ZNF451: variants seen among roughly 807,000 people sequenced by gnomAD.
ZNF451 encodes the protein zinc finger protein 451, also known as E3 SUMO-protein ligase ZNF451.
A neutral mutation model predicts 107.1 loss-of-function variants in ZNF451; 80 were observed. That is an observed-to-expected ratio of 0.75 (90% CI 0.62 to 0.90). The LOEUF (loss-of-function observed/expected upper bound fraction) is 0.90. ZNF451 is among the 40% of genes least tolerant of loss of function. ZNF451 has a pLI of 0.00. For missense variants in ZNF451, 1,107 were observed against 1,236.2 expected, an observed-to-expected ratio of 0.90 and a Z score of 1.57; for synonymous variants, 362 against 406.5, an observed-to-expected ratio of 0.89 and a Z score of 1.32.
chr6:57,162,747 C>G (rs1246955345), intron 14 of ZNF451, among the ~76,000 whole-genome samples: 1 of 152,204 alleles, frequency 6.6e-6, no homozygotes, highest in Non-Finnish European at 1.5e-5. Flanking sequence ...TAATTATAAG[C>G]TATCACAGTT....
chr6:57,148,021 C>A lies in ZNF451; in HGVS notation c.1936C>A (p.His646Asn). ...CTGTGCTCACTGCAGAAAGCCTTTTCATAAGATAGAAACATTGTACCGACA... is the reference window on the plus strand; with the variant it reads ...CTGTGCTCACTGCAGAAAGCCTTTTAATAAGATAGAAACATTGTACCGACA... ...YSCAHCRKPFHKIETLYRHCQ... is the reference protein window; with the variant it reads ...YSCAHCRKPFNKIETLYRHCQ... Residue 646 changes from histidine (H) to asparagine (N), a missense_variant, in exon 10 of 15, where the codon CAT becomes AAT. By Grantham distance (68) the His-to-Asn change is moderately conservative. Around this residue, in one of 5 missense-constraint regions of ZNF451, gnomAD observed 608 missense variants for 649.2 expected, o/e 0.94. Coordinates refer to ENST00000370706, the MANE Select transcript of ZNF451 (RefSeq NM_001031623.3). 6.2e-7 allele frequency: 1 copy of A among 1,614,048 alleles called. No individual in the cohort carries two copies. The highest frequency in any genetic ancestry group is 8.5e-7 in the Non-Finnish European group (1 of 1,179,972).
intron 13 of ZNF451, among the ~76,000 whole-genome samples, chr6:57,154,814 T>C (rs932382688): frequency 3.9e-5 from 6 of 152,204 alleles, no homozygotes; most frequent in Non-Finnish European, 7.4e-5. Context: ...TATTAATGAA[T>C]TACCTTAATG....
intron 2 of ZNF451, among the ~76,000 whole-genome samples, chr6:57,096,453 T>A (rs1278531882): frequency 6.6e-6 from 1 of 151,906 alleles, no homozygotes; most frequent in African/African-American, 2.4e-5. Flanking sequence ...CCCAAAGTGC[T>A]GGGATTACAG....
Position 57,141,424 on chromosome 6 carries a change from G to T in ZNF451, c.825G>T (p.Lys275Asn). ...AGTGTTCAAAGCATATGTCTGGAAA[G>T]AATCATTTCCATCAGAGTTTCAAAC... ...KEECSKHMSG[K>N]NHFHQSFKLG... is the part of the protein sequence containing the mutation. Residue 275 changes from lysine to asparagine, a missense_variant, in exon 8 of 15, where the codon AAG (lysine) becomes AAT (asparagine). Coordinates refer to ENST00000370706, the MANE Select transcript of ZNF451 (RefSeq NM_001031623.3). The T allele has an allele frequency of 6.2e-7, 1 of 1,612,296 alleles. No individual in the cohort carries two copies. The highest frequency in any genetic ancestry group is 8.5e-7 in the Non-Finnish European group (1 of 1,179,064).
chr6:57,119,865 T>G (rs1426487414), intron 3 of ZNF451, among the ~76,000 whole-genome samples: 1 of 152,184 alleles, frequency 6.6e-6, no homozygotes, highest in Admixed American at 6.5e-5. Context: ...CTTTTTTTTT[T>G]TTTGGTAGGT....
chr6:57,103,801 GT>G, intron 3 of ZNF451: 2 of 985,228 alleles, frequency 2.0e-6, no homozygotes, highest in Non-Finnish European at 2.4e-6. Context: ...GGTAATTGAT[GT>G]TTTCTCTGGT....
chr6:57,169,816 T>TAA lies in ZNF451; in HGVS notation c.*1347_*1348insAA. 6.6e-6 allele frequency: 1 copy of TAA among 152,216 alleles called. No homozygotes were observed. The highest frequency in any genetic ancestry group is 1.5e-5 in the Non-Finnish European group (1 of 68,042). 9.4% of individuals were successfully genotyped at this position (152,216 alleles called of 1,614,324 possible). A position where few individuals can be genotyped will look rare whatever the true frequency, so the allele number is the denominator to read the frequency against. ...TTTCCGAAATGACCACATTGTGCTT[T>TAA]TAGTTTGTATGTTTAAGTGGTCAAG... is the stretch of plus-strand genomic sequence containing the variant. On this transcript the variant is annotated 3_prime_UTR_variant, in exon 15 of 15. Coordinates refer to ENST00000370706, the MANE Select transcript of ZNF451 (RefSeq NM_001031623.3).
intron 3 of ZNF451, among the ~76,000 whole-genome samples, chr6:57,118,548 T>TC (rs1163837627): frequency 1.3e-5 from 2 of 152,144 alleles, no homozygotes; most frequent in African/African-American, 4.8e-5. Flanking sequence ...CCAGGCTGGA[T>TC]CATAGCTCTT....
chr6:57,166,976 T>C (rs1763926267), intron 14 of ZNF451, among the ~76,000 whole-genome samples: 2 of 152,202 alleles, frequency 1.3e-5, no homozygotes, highest in South Asian at 4.1e-4. Context: ...AGCTGGCAAG[T>C]TTAATCCCTA....
At chr6:57,119,764 G>A (rs1480089656) in intron 3 of ZNF451, among the ~76,000 whole-genome samples, 1 of 151,606 alleles carries the variant, frequency 6.6e-6, no homozygotes, top group Non-Finnish European at 1.5e-5. Flanking sequence ...CTAGTCTCTA[G>A]AAAAATGTAG....
chr6:57,137,230 G>C (rs1831476789), intron 7 of ZNF451, among the ~76,000 whole-genome samples: 1 of 152,192 alleles, frequency 6.6e-6, no homozygotes, highest in Admixed American at 6.5e-5. Flanking sequence ...GTCACTAGAA[G>C]ATTGTATAAG....
chr6:57,167,935 C>T (rs891593183), intron 14 of ZNF451, among the ~76,000 whole-genome samples: 10 of 152,334 alleles, frequency 6.6e-5, no homozygotes, highest in Admixed American at 4.6e-4. Context: ...ATGAGTTTCA[C>T]TACCTTAGAT....
Position 57,154,052 on chromosome 6 carries a change from G to A in ZNF451, c.3070+5G>A, listed in dbSNP as rs780363112. On this transcript the variant is annotated splice_donor_5th_base_variant and intron_variant, in intron 13 of 14. Transcript: ENST00000370706. The stretch of plus-strand genomic sequence containing the variant: ...GCATATCTGATACCACCAAAGGTAC[G>A]CAGCTGCAGTCACAGTGCAAACCAC... 7.4e-6 allele frequency: 12 copies of A among 1,613,932 alleles called. No individual in the cohort carries two copies. Among genetic ancestry groups the A allele is most frequent in the East Asian group, 2.2e-5 (1 of 44,874 alleles).
chr6:57,123,969 C>T (rs1830773820), intron 3 of ZNF451, among the ~76,000 whole-genome samples: 1 of 152,128 alleles, frequency 6.6e-6, no homozygotes, highest in Non-Finnish European at 1.5e-5. Context: ...TTATTTCTTC[C>T]TTCGCAATCT....
chr6:57,106,246 A>G, intron 3 of ZNF451: 1 of 985,308 alleles, frequency 1.0e-6, no homozygotes, highest in Non-Finnish European at 1.2e-6. Context: ...GATTCTGATG[A>G]AGGTTTGAAA....
At chr6:57,113,328 T>C (rs1361128729) in intron 3 of ZNF451, among the ~76,000 whole-genome samples, 47 of 152,282 alleles carry the variant, frequency 3.1e-4, no homozygotes, top group Non-Finnish European at 1.5e-5. Flanking sequence ...TTTTTTTTTT[T>C]TGGCCGTATA....
In ZNF451 at chr6:57,150,791, A is replaced by G. The variant is rs766801816; in HGVS notation, c.2681A>G (p.Asp894Gly). Residue 894 changes from aspartate (D) to glycine (G), a missense_variant, in exon 11 of 15, where the codon GAT (aspartate) becomes GGT (glycine). Transcript: ENST00000370706. Reference protein sequence around the residue: ...TMTHIVFVDFDNWSNFFGHLP... With the variant: ...TMTHIVFVDFGNWSNFFGHLP... ...ACTCATATAGTCTTTGTAGATTTTG[A>G]TAACTGGTCAAACTTTTTTGGTCAT... 5.0e-6 allele frequency: 8 copies of G among 1,614,012 alleles called. No homozygotes were observed. The highest frequency in any genetic ancestry group is 1.1e-5 in the South Asian group (1 of 91,078).
At chr6:57,133,275 T>C (rs1366728673) in intron 6 of ZNF451, 83 bp downstream of exon 6, 12 of 1,339,278 alleles carry the variant, frequency 9.0e-6, no homozygotes, top group Non-Finnish European at 1.1e-5. Context: ...GTAATGCTCC[T>C]TTGCCATTAT....
At chr6:57,100,859 C>CA in intron 3 of ZNF451, 2 of 1,549,210 alleles carry the variant, frequency 1.3e-6, no homozygotes, top group Non-Finnish European at 1.7e-6. Context: ...ACTCTGCCTT[C>CA]ATCTCCACTT....
Sources: allele counts gnomAD v4.1 joint callset (sites outside exome capture counted in the v4.1 genomes callset), GRCh38; gene constraint gnomAD v4.1.1; regional missense constraint gnomAD v4.1.1; transcripts MANE v1.5; gene names NCBI Gene and HGNC (gene_info 2026-07-23, HGNC 2026-07-21).